KCNQ5: variants seen among roughly 807,000 people sequenced by gnomAD.
KCNQ5 encodes potassium voltage-gated channel subfamily KQT member 5.
A neutral mutation model predicts 98.2 loss-of-function variants in KCNQ5; 30 were observed. The ratio of observed to expected loss-of-function variants is 0.31; its 90% CI spans 0.23 to 0.41. KCNQ5 has a LOEUF of 0.41. Among genes scored for constraint, KCNQ5 ranks in the 10% least tolerant of loss-of-function variants. The pLI is 1.00. For synonymous variants in KCNQ5, 458 were observed against 449.4 expected (o/e 1.02, Z -0.24); for missense variants, 835 against 1,182.5 (o/e 0.71, Z 4.31).
chr6:73,169,599 T>G (rs1310852588), intron 10 of KCNQ5, 147 bp from the exon 11 acceptor site: 3 of 619,654 alleles, frequency 4.8e-6, no homozygotes, highest in Non-Finnish European at 8.7e-6. Context: ...AAGAATAATA[T>G]TGGCAAGACA....
At chr6:72,777,247 G>A (rs1773204721) in intron 1 of KCNQ5, among the ~76,000 whole-genome samples, 2 of 152,342 alleles carry the variant, frequency 1.3e-5, no homozygotes, top group South Asian at 2.1e-4. Context: ...TTAGATTCGA[G>A]AAGGACAAGA....
chr6:72,924,163 T>C (rs1170769385), intron 1 of KCNQ5, among the ~76,000 whole-genome samples: 1 of 151,996 alleles, frequency 6.6e-6, no homozygotes, highest in African/African-American at 2.4e-5. Context: ...TTCTAATCAT[T>C]ACACACCATA....
At chr6:73,058,113 A>C (rs1306834278) in intron 3 of KCNQ5, among the ~76,000 whole-genome samples, 1 of 152,186 alleles carries the variant, frequency 6.6e-6, no homozygotes, top group Non-Finnish European at 1.5e-5. Flanking sequence ...TAAAGGCTTA[A>C]ACATAAAACC....
At chr6:72,889,682 C>G (rs1290385874) in intron 1 of KCNQ5, among the ~76,000 whole-genome samples, 1 of 152,016 alleles carries the variant, frequency 6.6e-6, no homozygotes, top group Admixed American at 6.6e-5. Flanking sequence ...AGTCAATTAC[C>G]AAATGGTAAG....
At chr6:72,671,660 G>A (rs1380572735) in intron 1 of KCNQ5, among the ~76,000 whole-genome samples, 1 of 152,046 alleles carries the variant, frequency 6.6e-6, no homozygotes, top group Non-Finnish European at 1.5e-5. Context: ...CAAAGTATTA[G>A]GATTATCAAA....
At chr6:72,908,735 G>A (rs1026106371) in intron 1 of KCNQ5, among the ~76,000 whole-genome samples, 1 of 152,158 alleles carries the variant, frequency 6.6e-6, no homozygotes, top group East Asian at 1.9e-4. Flanking sequence ...CAAAGAAATG[G>A]AGGAAGTAAT....
intron 2 of KCNQ5, among the ~76,000 whole-genome samples, chr6:73,019,571 A>C (rs1234241142): frequency 1.3e-5 from 2 of 152,148 alleles, no homozygotes; most frequent in African/African-American, 2.4e-5. Flanking sequence ...GCATCAGGAC[A>C]TGGTTTGGAG....
intron 1 of KCNQ5, among the ~76,000 whole-genome samples, chr6:72,983,683 C>A (rs994668143): frequency 6.6e-6 from 1 of 152,328 alleles, no homozygotes; most frequent in East Asian, 1.9e-4. Context: ...GCCAACTTGT[C>A]AAAGTCATTC....
intron 10 of KCNQ5, among the ~76,000 whole-genome samples, chr6:73,141,863 A>G (rs6919630): frequency 0.072 from 10,917 of 152,242 alleles, 1,215 homozygotes; most frequent in African/African-American, 0.24. Context: ...ATTACCCTCA[A>G]TTTAGTGGTT....
intron 1 of KCNQ5, among the ~76,000 whole-genome samples, chr6:72,642,234 A>G (rs993377399): frequency 6.6e-6 from 1 of 151,626 alleles, no homozygotes; most frequent in South Asian, 2.1e-4. Flanking sequence ...ACAAACACAC[A>G]TATCCTTTGC....
intron 11 of KCNQ5, among the ~76,000 whole-genome samples, chr6:73,185,695 G>C (rs922604337): frequency 6.6e-6 from 1 of 152,178 alleles, no homozygotes; most frequent in African/African-American, 2.4e-5. Flanking sequence ...AGCCATATAG[G>C]ATGTGCTTCT....
chr6:72,704,063 T>A (rs1582141304), intron 1 of KCNQ5, among the ~76,000 whole-genome samples: 1 of 152,338 alleles, frequency 6.6e-6, no homozygotes, highest in East Asian at 1.9e-4. Flanking sequence ...GACAACTGCA[T>A]TTAACGTAGG....
At chr6:72,801,141 T>C (rs1159063640) in intron 1 of KCNQ5, among the ~76,000 whole-genome samples, 1 of 151,998 alleles carries the variant, frequency 6.6e-6, no homozygotes, top group East Asian at 1.9e-4. Context: ...GTCTATTAGG[T>C]CCGCTTGGTG....
At chr6:72,903,161 G>A (rs931726152) in intron 1 of KCNQ5, among the ~76,000 whole-genome samples, 7 of 152,088 alleles carry the variant, frequency 4.6e-5, no homozygotes, top group African/African-American at 1.7e-4. Context: ...TCGTATTTCT[G>A]TGGTGTCAGT....
At chr6:73,034,322 G>T (rs1407330499) in intron 2 of KCNQ5, among the ~76,000 whole-genome samples, 2 of 152,198 alleles carry the variant, frequency 1.3e-5, no homozygotes, top group African/African-American at 4.8e-5. Context: ...GCTGGGAATT[G>T]ATTATGTTGA....
chr6:72,780,827 A>C (rs918608404), intron 1 of KCNQ5, among the ~76,000 whole-genome samples: 1 of 152,208 alleles, frequency 6.6e-6, no homozygotes, highest in Non-Finnish European at 1.5e-5. Context: ...TATAATAATT[A>C]TAAGCTGTCA....
At chr6:73,002,546 A>G (rs984465531) in intron 1 of KCNQ5, among the ~76,000 whole-genome samples, 1 of 152,214 alleles carries the variant, frequency 6.6e-6, no homozygotes, top group African/African-American at 2.4e-5. Flanking sequence ...TCCAGCTTGT[A>G]GGAACCCCTC....
intron 1 of KCNQ5, among the ~76,000 whole-genome samples, chr6:72,883,804 A>G (rs1387013168): frequency 6.6e-6 from 1 of 152,190 alleles, no homozygotes; most frequent in East Asian, 1.9e-4. Flanking sequence ...ATATAAGGAA[A>G]TAGAGAGAAC....
chr6:73,056,779 A>C (rs1353642921), intron 3 of KCNQ5, among the ~76,000 whole-genome samples: 1 of 152,218 alleles, frequency 6.6e-6, no homozygotes, highest in Non-Finnish European at 1.5e-5. Flanking sequence ...AAAGAATGCC[A>C]TCCCATGCAC....
Sources: allele counts gnomAD v4.1 joint callset (sites outside exome capture counted in the v4.1 genomes callset), GRCh38; gene constraint gnomAD v4.1.1; transcripts MANE v1.5; gene names NCBI Gene and HGNC (gene_info 2026-07-23, HGNC 2026-07-21).